The following CDH13 variants were observed in gnomAD, a reference collection of about 807,000 sequenced individuals.
The protein encoded by CDH13 is cadherin-13.
In CDH13, 24 loss-of-function variants were observed where a neutral mutation model predicts 63.8. That is an observed-to-expected ratio of 0.38 (90% CI 0.27 to 0.53). The LOEUF is 0.53. CDH13 is among the 20% of genes least tolerant of loss of function. CDH13 has a pLI of 0.85. For missense variants in CDH13, 1,049 were observed against 903.1 expected (o/e 1.16, Z -2.07); for synonymous variants, 503 against 355.3 (o/e 1.42, Z -4.67).
At chr16:83,007,364 A>G (rs1362276350) in intron 2 of CDH13, among the ~76,000 whole-genome samples, 1 of 152,186 alleles carries the variant, frequency 6.6e-6, no homozygotes, top group East Asian at 1.9e-4. Flanking sequence ...CATGAAACCC[A>G]TTTCACACGT....
intron 1 of CDH13, among the ~76,000 whole-genome samples, chr16:82,772,825 A>T (rs1345067497): frequency 6.6e-6 from 1 of 152,170 alleles, no homozygotes; most frequent in Non-Finnish European, 1.5e-5. Context: ...TCTGACTCCA[A>T]ATGCAAAGAT....
At chr16:82,866,545 T>C (rs1338250748) in intron 2 of CDH13, among the ~76,000 whole-genome samples, 2 of 151,928 alleles carry the variant, frequency 1.3e-5, no homozygotes, top group African/African-American at 4.8e-5. Context: ...TGAGCCACCA[T>C]GCCTGGCTAA....
chr16:82,815,202 G>A (rs939135992), intron 1 of CDH13, among the ~76,000 whole-genome samples: 6 of 152,162 alleles, frequency 3.9e-5, no homozygotes, highest in East Asian at 3.9e-4. Context: ...GAACAGCCAC[G>A]CAGTAGAGTC....
intron 8 of CDH13, among the ~76,000 whole-genome samples, chr16:83,652,330 T>C (rs1414528695): frequency 1.3e-5 from 2 of 152,228 alleles, no homozygotes; most frequent in African/African-American, 4.8e-5. Context: ...TTGTTTGTGC[T>C]GTGGTGTTAG....
intron 5 of CDH13, among the ~76,000 whole-genome samples, chr16:83,281,268 G>T (rs1241114913): frequency 1.3e-5 from 2 of 152,178 alleles, no homozygotes; most frequent in African/African-American, 4.8e-5. Context: ...TTATAGGGAT[G>T]GCTTCTTTCC....
At chr16:83,701,120 A>G (rs1419229913) in intron 10 of CDH13, among the ~76,000 whole-genome samples, 1 of 152,060 alleles carries the variant, frequency 6.6e-6, no homozygotes, top group Non-Finnish European at 1.5e-5. Context: ...TCTCGGCTGC[A>G]GGTTACATTC....
At chr16:83,509,898 G>T (rs1171405443) in intron 7 of CDH13, among the ~76,000 whole-genome samples, 1 of 152,192 alleles carries the variant, frequency 6.6e-6, no homozygotes, top group Non-Finnish European at 1.5e-5. Flanking sequence ...GTAGATGACT[G>T]GCTCAAGGTC....
intron 2 of CDH13, among the ~76,000 whole-genome samples, chr16:82,900,460 A>G (rs1402674572): frequency 6.6e-6 from 1 of 152,230 alleles, no homozygotes; most frequent in Non-Finnish European, 1.5e-5. Flanking sequence ...GAAAGGAAAT[A>G]AATTCTATCA....
intron 1 of CDH13, among the ~76,000 whole-genome samples, chr16:82,821,905 C>T (rs1422402904): frequency 6.6e-6 from 1 of 152,160 alleles, no homozygotes; most frequent in African/African-American, 2.4e-5. Context: ...GCTTCCTAAT[C>T]CTGGGGATTG....
At chr16:82,909,933 C>T (rs907251160) in intron 2 of CDH13, among the ~76,000 whole-genome samples, 8 of 152,192 alleles carry the variant, frequency 5.3e-5, no homozygotes, top group Non-Finnish European at 1.0e-4. Context: ...TTTTCTGCTT[C>T]CTGGTTACAA....
chr16:83,767,250 A>G (rs1914453135), intron 11 of CDH13, among the ~76,000 whole-genome samples: 1 of 151,836 alleles, frequency 6.6e-6, no homozygotes, highest in South Asian at 2.1e-4. Context: ...TCCCCACCCA[A>G]ATCTCACCTT....
intron 1 of CDH13, among the ~76,000 whole-genome samples, chr16:82,707,874 G>A (rs559301289): frequency 2.0e-5 from 3 of 152,300 alleles, no homozygotes; most frequent in East Asian, 1.9e-4. Context: ...AGGAGCATAT[G>A]TGTCGGTTAG....
chr16:83,419,438 T>TA (rs2071649209), intron 6 of CDH13, among the ~76,000 whole-genome samples: 1 of 152,224 alleles, frequency 6.6e-6, no homozygotes, highest in Non-Finnish European at 1.5e-5. Flanking sequence ...TTATCTTATT[T>TA]AAACCCCTCA....
intron 8 of CDH13, among the ~76,000 whole-genome samples, chr16:83,647,736 A>G (rs1419548697): frequency 6.6e-6 from 1 of 152,160 alleles, no homozygotes; most frequent in Non-Finnish European, 1.5e-5. Flanking sequence ...AGGATCTGTG[A>G]CACGTGAAGA....
At chr16:82,745,516 A>T (rs2034122813) in intron 1 of CDH13, among the ~76,000 whole-genome samples, 2 of 152,114 alleles carry the variant, frequency 1.3e-5, no homozygotes, top group South Asian at 4.1e-4. Context: ...AGGCAGGAGA[A>T]TCACTTGAAC....
intron 2 of CDH13, among the ~76,000 whole-genome samples, chr16:83,010,871 C>T (rs1914082400): frequency 1.3e-5 from 2 of 152,124 alleles, no homozygotes; most frequent in Non-Finnish European, 2.9e-5. Context: ...TTTGGTTCTC[C>T]CCATTCTTTA....
At chr16:83,099,627 A>G (rs920817711) in intron 3 of CDH13, among the ~76,000 whole-genome samples, 1 of 151,008 alleles carries the variant, frequency 6.6e-6, no homozygotes, top group African/African-American at 2.4e-5. Flanking sequence ...CCGGGCCTCT[A>G]CATATTACTT....
In CDH13 at chr16:82,767,575, G is replaced by T. The variant is rs72805938; in HGVS notation, c.46-90787G>T. On this transcript the variant is annotated intron_variant, in intron 1 of 13. Coordinates refer to ENST00000567109, the MANE Select transcript of CDH13 (RefSeq NM_001257.5). ...TGTGCCAAACACATTGTGTGCTCCTGGTCCCTGCCCCCTTTAACTTCCCCA... is the reference window on the plus strand; with the variant it reads ...TGTGCCAAACACATTGTGTGCTCCTTGTCCCTGCCCCCTTTAACTTCCCCA... Among the ~76,000 whole-genome samples, 1,519 of 152,304 alleles carry T rather than the reference G, an allele frequency of 1.0e-2. 14 individuals are homozygous for T. Among genetic ancestry groups the T allele is most frequent in the Non-Finnish European group, 0.015 (1,005 of 68,032 alleles).
chr16:82,677,025 A>G (rs1716794334), intron 1 of CDH13, among the ~76,000 whole-genome samples: 1 of 152,200 alleles, frequency 6.6e-6, no homozygotes, highest in Non-Finnish European at 1.5e-5. Flanking sequence ...CTGGGACTAC[A>G]GGCACCTGCC....
Sources: gnomAD v4.1 joint callset for allele counts (sites outside exome capture counted in the v4.1 genomes callset) on GRCh38, gnomAD v4.1.1 for gene constraint, MANE v1.5 for transcripts, NCBI Gene and HGNC (gene_info 2026-07-23, HGNC 2026-07-21) for gene names.